Variants in C10orf143 observed in about 807,000 individuals in gnomAD.
The protein encoded by C10orf143 is chromosome 10 open reading frame 143.
intron 3 of C10orf143, among the ~76,000 whole-genome samples, chr10:130,046,560 A>G (rs1326718207): frequency 1.3e-5 from 2 of 152,226 alleles, no homozygotes; most frequent in Non-Finnish European, 2.9e-5. Flanking sequence ...TTATGCTACC[A>G]TTTGATTTAA....
rs5789009 is a variant in C10orf143 at position 130,058,580 on chromosome 10, A to ATTTTT, written c.297+20981_297+20985dup. On this transcript the variant is annotated intron_variant and NMD_transcript_variant, in intron 3 of 5. Coordinates refer to the C10orf143 transcript ENST00000643056. ...AATGCACTAGTAGGTTTTAAACAGC[A>ATTTTT]TTTTTTTTTTTTTTTCAGAAATGAT... Among the ~76,000 whole-genome samples, 4 of 144,078 alleles carry ATTTTT rather than the reference A, an allele frequency of 2.8e-5. No individual in the cohort carries two copies. The East Asian group carries it at 6.0e-4, about 22-fold the overall frequency. The allele number at this position is 144,078 out of a possible 152,430, so 94.5% of individuals were successfully genotyped here.
chr10:130,082,685 T>C (rs986847226), intron 1 of C10orf143, among the ~76,000 whole-genome samples: 4 of 152,200 alleles, frequency 2.6e-5, no homozygotes, highest in African/African-American at 9.7e-5. Flanking sequence ...ATTAAACTTC[T>C]TTTTCTTTAT....
chr10:130,074,077 G>A (rs1191217980), intron 3 of C10orf143, among the ~76,000 whole-genome samples: 1 of 152,162 alleles, frequency 6.6e-6, no homozygotes, highest in Admixed American at 6.5e-5. Flanking sequence ...GTTCTCATAG[G>A]GTGTTCGAGC....
At chr10:130,046,773 T>G (rs957900458) in intron 3 of C10orf143, among the ~76,000 whole-genome samples, 1 of 152,184 alleles carries the variant, frequency 6.6e-6, no homozygotes, top group Non-Finnish European at 1.5e-5. Flanking sequence ...CCCGCTCACC[T>G]GCACGCGGAG....
chr10:130,043,996 GGAGAGAGA>G (rs139473238), intron 3 of C10orf143, among the ~76,000 whole-genome samples: 11 of 149,478 alleles, frequency 7.4e-5, no homozygotes, highest in East Asian at 2.0e-4. Context: ...ACCATGGCAG[GGAGAGAGA>G]GAGAGAGAGA....
At chr10:130,060,599 G>GCA (rs1232337718), downstream of C10orf143, among the ~76,000 whole-genome samples, 12 of 144,454 alleles carry the variant, frequency 8.3e-5, no homozygotes, top group Non-Finnish European at 1.7e-4. Context: ...CAAGGCGGAT[G>GCA]GATCACAAGG....
intron 1 of C10orf143, among the ~76,000 whole-genome samples, chr10:130,100,680 A>G (rs553661680): frequency 6.6e-6 from 1 of 152,378 alleles, no homozygotes; most frequent in Non-Finnish European, 1.5e-5. Context: ...ATCAAATGCT[A>G]TAATGTCTGG....
chr10:130,095,267 A>C (rs1861444535), intron 1 of C10orf143, among the ~76,000 whole-genome samples: 1 of 152,098 alleles, frequency 6.6e-6, no homozygotes, highest in Non-Finnish European at 1.5e-5. Context: ...GGAGAACTAC[A>C]AACCACTGCT....
rs772175930 is a variant in C10orf143 at position 130,065,485 on chromosome 10, G to C, written c.298-1102C>G. 1 of 152,748 alleles carries C rather than the reference G, an allele frequency of 6.5e-6. No individual in the cohort carries two copies. Among genetic ancestry groups the C allele is most frequent in the African/African-American group, 2.4e-5 (1 of 41,428 alleles). The allele number at this position is 152,748 out of a possible 1,614,324, so 9.5% of individuals were successfully genotyped here. A position where few individuals can be genotyped will look rare whatever the true frequency, so the allele number is the denominator to read the frequency against. On this transcript the variant is annotated intron_variant, in intron 3 of 3. Transcript: ENST00000637128. The surrounding 1 kb of genome is among the most constrained non-coding windows in gnomAD (Gnocchi z 4.2). Reference sequence around the variant, plus strand: ...TTCCAGGATCGGAGAAGCTGTGGCGGCTGGAGCAGGGGCTTGTGGCGCACA... The same window carrying C: ...TTCCAGGATCGGAGAAGCTGTGGCGCCTGGAGCAGGGGCTTGTGGCGCACA...
chr10:130,048,761 G>A (rs1202214818), intron 3 of C10orf143, among the ~76,000 whole-genome samples: 3 of 152,018 alleles, frequency 2.0e-5, no homozygotes, highest in African/African-American at 7.2e-5. Context: ...GGAGTGGAGT[G>A]GTATAACCAT....
chr10:130,109,113 C>T (rs56155942), intron 1 of C10orf143, among the ~76,000 whole-genome samples: 14,768 of 152,200 alleles, frequency 0.097, 1,000 homozygotes, highest in Non-Finnish European at 0.14. Context: ...TCTCTAGTGT[C>T]ACCACCCCAC....
At chr10:130,046,366 C>T (rs997762061) in intron 3 of C10orf143, among the ~76,000 whole-genome samples, 28 of 152,082 alleles carry the variant, frequency 1.8e-4, no homozygotes, top group Admixed American at 5.9e-4. Context: ...TCCCCCGGGA[C>T]CTGCTCCAGA....
At chr10:130,097,594 T>A (rs1861482394) in intron 1 of C10orf143, among the ~76,000 whole-genome samples, 3 of 152,186 alleles carry the variant, frequency 2.0e-5, no homozygotes, top group Admixed American at 1.3e-4. Flanking sequence ...GCCCTAAGTA[T>A]CCATCTAAGA....
intron 3 of C10orf143, among the ~76,000 whole-genome samples, chr10:130,045,287 G>A (rs570213722): frequency 6.6e-6 from 1 of 152,346 alleles, no homozygotes; most frequent in South Asian, 2.1e-4. Flanking sequence ...GCAGGTCGGC[G>A]GGGCCTGCTC....
intron 3 of C10orf143, among the ~76,000 whole-genome samples, chr10:130,038,728 C>A (rs1388018843): frequency 6.6e-6 from 1 of 152,162 alleles, no homozygotes; most frequent in African/African-American, 2.4e-5. Flanking sequence ...GGCTAATGAA[C>A]CTGGGACTGG....
At chr10:130,107,700 G>C in intron 1 of C10orf143, 1 of 1,268,862 alleles carries the variant, frequency 7.9e-7, no homozygotes, top group Non-Finnish European at 1.1e-6. Context: ...CCTCCAGGGG[G>C]GGAAGGAAGA....
At chr10:130,046,140 G>T (rs1052021221) in intron 3 of C10orf143, among the ~76,000 whole-genome samples, 1 of 151,714 alleles carries the variant, frequency 6.6e-6, no homozygotes. Flanking sequence ...GCACAGGAAG[G>T]GGCAGGGCAC....
Position 130,047,393 on chromosome 10 carries a change from AG to A in C10orf143, c.298-11424del, listed in dbSNP as rs141466883. Among the ~76,000 whole-genome samples the A allele has an allele frequency of 4.3e-3, 654 of 152,348 alleles. 4 individuals carry two copies. The highest frequency in any genetic ancestry group is 0.015 in the African/African-American group (625 of 41,588). ...TCTCTCTCAGCCCCAGCATCAGCAC[AG>A]GGCTTGGGGCGGGAGGGTCTGTGTA... On this transcript the variant is annotated intron_variant and NMD_transcript_variant, in intron 3 of 5. Transcript: ENST00000643056.
intron 1 of C10orf143, among the ~76,000 whole-genome samples, chr10:130,098,985 G>T (rs575852072): frequency 6.6e-6 from 1 of 151,872 alleles, no homozygotes; most frequent in South Asian, 2.1e-4. Flanking sequence ...CTACTAGGGA[G>T]GCTGAGGCAG....
Sources: gnomAD v4.1 joint callset for allele counts (sites outside exome capture counted in the v4.1 genomes callset) on GRCh38, gnomAD v4.1.1 for gene constraint, Gnocchi (gnomAD v3.1) non-coding constraint, MANE v1.5 for transcripts, NCBI Gene and HGNC (gene_info 2026-07-23, HGNC 2026-07-21) for gene names.